GRAMD1C: variants seen among roughly 807,000 people sequenced by gnomAD.
GRAMD1C encodes protein Aster-C.
In GRAMD1C, 89 loss-of-function variants were observed where a neutral mutation model predicts 97.8. That is an observed-to-expected ratio of 0.91 (90% CI 0.77 to 1.09). The LOEUF (loss-of-function observed/expected upper bound fraction) is 1.09, where lower values mean the gene tolerates loss of function less well. Among genes scored for constraint, GRAMD1C ranks in the 50% least tolerant of loss-of-function variants. The probability of loss-of-function intolerance (pLI) is 0.00; values close to 1 mark genes in which losing one functional copy is unlikely to be tolerated. For synonymous variants in GRAMD1C, 256 were observed against 267.0 expected, an observed-to-expected ratio of 0.96 and a Z score of 0.40; for missense variants, 740 against 766.4, an observed-to-expected ratio of 0.97 and a Z score of 0.41.
At position 113,866,343 on chromosome 3, in the gene GRAMD1C, T is replaced by C. The variant is rs995529873; in HGVS notation, c.175-3164T>C. 3.3e-5 allele frequency among the ~76,000 whole-genome samples: 5 copies of C among 152,204 alleles called. No homozygotes were observed. The East Asian group carries it at 7.7e-4, about 23-fold the overall frequency. ...GTCTAGCAGTATTTCAGCTAAAAAG[T>C]AATAGAGCCACTCAGATTCTCTTGT... On this transcript the variant is annotated intron_variant, in intron 2 of 17. Transcript: ENST00000358160.
In GRAMD1C at chr3:113,838,875, C is replaced by G; in HGVS notation, c.-35C>G. On this transcript the variant is annotated 5_prime_UTR_variant, in exon 1 of 18. Transcript: ENST00000358160. ...GCGCGGGGCGGTGCGGTGCGGTGCG[C>G]GCGGGGCGGTGCCGCGGCGGCGGAG... 8.1e-7 allele frequency: 1 copy of G among 1,227,554 alleles called. No individual in the cohort carries two copies. The highest frequency in any genetic ancestry group is 1.0e-6 in the Non-Finnish European group (1 of 983,418). The allele number at this position is 1,227,554 out of a possible 1,614,324, so 76.0% of individuals were successfully genotyped here. A position where few individuals can be genotyped will look rare whatever the true frequency, so the allele number is the denominator to read the frequency against.
At chr3:113,866,387 A>G (rs1184373875) in intron 2 of GRAMD1C, among the ~76,000 whole-genome samples, 1 of 152,120 alleles carries the variant, frequency 6.6e-6, no homozygotes, top group African/African-American at 2.4e-5. Flanking sequence ...TTTGCATGGT[A>G]TATCTTTTTC....
chr3:113,938,229 A>T (rs1937620802), intron 15 of GRAMD1C, 86 bp downstream of exon 15: 2 of 622,168 alleles, frequency 3.2e-6, no homozygotes, highest in East Asian at 6.5e-5. Flanking sequence ...GTATTTGTAT[A>T]TTATTGTGTA....
intron 6 of GRAMD1C, among the ~76,000 whole-genome samples, chr3:113,893,008 A>C (rs1006910685): frequency 6.6e-6 from 1 of 152,202 alleles, no homozygotes; most frequent in African/African-American, 2.4e-5. Context: ...ATGAAATTCA[A>C]ATTTCAGTGT....
At chr3:113,849,973 T>G (rs1400033464) in intron 2 of GRAMD1C, among the ~76,000 whole-genome samples, 1 of 146,244 alleles carries the variant, frequency 6.8e-6, no homozygotes, top group Admixed American at 6.7e-5. Context: ...GGCGGGGGGC[T>G]GACCCCCCCA....
At chr3:113,888,439 A>G (rs1212696095) in intron 6 of GRAMD1C, among the ~76,000 whole-genome samples, 1 of 152,170 alleles carries the variant, frequency 6.6e-6, no homozygotes, top group Non-Finnish European at 1.5e-5. Context: ...ACAGTTAACA[A>G]TACTGTGTTG....
intron 2 of GRAMD1C, among the ~76,000 whole-genome samples, chr3:113,851,783 G>T (rs1417102891): frequency 2.0e-5 from 3 of 152,102 alleles, no homozygotes; most frequent in Non-Finnish European, 4.4e-5. Flanking sequence ...CTCCCAAAGT[G>T]CTGGGATTGC....
intron 14 of GRAMD1C, 145 bp downstream of exon 14, chr3:113,936,587 T>TC: frequency 1.8e-6 from 1 of 555,566 alleles, no homozygotes; most frequent in Non-Finnish European, 3.2e-6. Flanking sequence ...CTGATTTCCT[T>TC]TAAGATAACT....
intron 6 of GRAMD1C, chr3:113,885,842 T>G: frequency 1.2e-6 from 2 of 1,611,798 alleles, no homozygotes; most frequent in Non-Finnish European, 1.7e-6. Flanking sequence ...TCTCCAGCAT[T>G]GTGATCCTGG....
At chr3:113,876,355 G>C (rs529323275) in intron 5 of GRAMD1C, 95 bp downstream of exon 5, 1 of 686,464 alleles carries the variant, frequency 1.5e-6, no homozygotes, top group East Asian at 2.6e-5. Flanking sequence ...GTTCTTCCTG[G>C]AGTTAGGAAT....
intron 1 of GRAMD1C, among the ~76,000 whole-genome samples, chr3:113,843,973 C>T (rs1191326517): frequency 2.6e-5 from 4 of 152,184 alleles, no homozygotes; most frequent in Non-Finnish European, 4.4e-5. Context: ...GTTGTACAAA[C>T]GGACACTCCC....
In GRAMD1C at chr3:113,838,867, G is replaced by A. The variant is rs1709690768; in HGVS notation, c.-43G>A. The A allele has an allele frequency of 1.6e-6, 2 of 1,223,986 alleles. No homozygotes were observed. Among genetic ancestry groups the A allele is most frequent in the Non-Finnish European group, 2.0e-6 (2 of 980,474 alleles). The allele number at this position is 1,223,986 out of a possible 1,614,324, so 75.8% of individuals were successfully genotyped here. ...GGAGGTGGGCGCGGGGCGGTGCGGT[G>A]CGGTGCGCGCGGGGCGGTGCCGCGG... On this transcript the variant is annotated 5_prime_UTR_variant, in exon 1 of 18. Coordinates refer to ENST00000358160, the MANE Select transcript of GRAMD1C (RefSeq NM_017577.5).
chr3:113,854,797 A>C (rs1438808149), intron 2 of GRAMD1C, among the ~76,000 whole-genome samples: 1 of 152,226 alleles, frequency 6.6e-6, no homozygotes, highest in Non-Finnish European at 1.5e-5. Flanking sequence ...CCAATAAATT[A>C]ACATATTTAA....
chr3:113,861,212 A>G (rs1446237868), intron 2 of GRAMD1C, among the ~76,000 whole-genome samples: 2 of 152,222 alleles, frequency 1.3e-5, no homozygotes, highest in East Asian at 3.8e-4. Context: ...ATAGACTTAC[A>G]TGTAAGAGCT....
At chr3:113,920,846 T>A (rs1210152506) in intron 10 of GRAMD1C, among the ~76,000 whole-genome samples, 1 of 152,132 alleles carries the variant, frequency 6.6e-6, no homozygotes, top group Non-Finnish European at 1.5e-5. Context: ...CTGGCCAAAA[T>A]TCGGGGGTCT....
chr3:113,859,448 A>T (rs2107350233), intron 2 of GRAMD1C, among the ~76,000 whole-genome samples: 1 of 152,324 alleles, frequency 6.6e-6, no homozygotes, highest in South Asian at 2.1e-4. Context: ...CAGAAAATAT[A>T]CACTGTTTGA....
chr3:113,829,581 C>T (rs1427889701), intron 1 of GRAMD1C, among the ~76,000 whole-genome samples: 1 of 152,176 alleles, frequency 6.6e-6, no homozygotes, highest in East Asian at 1.9e-4. Flanking sequence ...TTTTTAATTA[C>T]TTGAAATAAG....
At chr3:113,844,351 C>T (rs1933511814) in intron 1 of GRAMD1C, 152 bp from the exon 2 acceptor site, 1 of 475,132 alleles carries the variant, frequency 2.1e-6, no homozygotes, top group Non-Finnish European at 3.7e-6. Context: ...ACTAGATGAA[C>T]TATTGAAGCA....
intron 2 of GRAMD1C, among the ~76,000 whole-genome samples, chr3:113,858,530 GACTACAGGCTC>G (rs1934243083): frequency 6.6e-6 from 1 of 151,698 alleles, no homozygotes; most frequent in Non-Finnish European, 1.5e-5. Flanking sequence ...GAGTAGCTGA[GACTACAGGCTC>G]ACTCCACCAC....
Sources: gnomAD v4.1 joint callset for allele counts (sites outside exome capture counted in the v4.1 genomes callset) on GRCh38, gnomAD v4.1.1 for gene constraint, MANE v1.5 for transcripts, NCBI Gene and HGNC (gene_info 2026-07-23, HGNC 2026-07-21) for gene names.